Variants in DACH1 observed in about 807,000 individuals in gnomAD.
DACH1 encodes the protein dachshund family transcription factor 1.
A neutral mutation model predicts 54.2 loss-of-function variants in DACH1; 12 were observed. The observed-to-expected ratio is 0.22, with a 90% CI of 0.14 to 0.36. The LOEUF (loss-of-function observed/expected upper bound fraction) is 0.36, where lower values mean the gene tolerates loss of function less well. Among genes scored for constraint, DACH1 ranks in the 10% least tolerant of loss-of-function variants. DACH1 has a pLI of 1.00. For synonymous variants in DACH1, 386 were observed against 366.2 expected (o/e 1.05, Z -0.62); for missense variants, 805 against 929.8 (o/e 0.87, Z 1.75).
At chr13:71,689,633 A>C (rs2138720034) in intron 1 of DACH1, among the ~76,000 whole-genome samples, 1 of 152,282 alleles carries the variant, frequency 6.6e-6, no homozygotes, top group South Asian at 2.1e-4. Flanking sequence ...TTAATATAAA[A>C]CCTGTTTAAA....
intron 10 of DACH1, among the ~76,000 whole-genome samples, chr13:71,441,082 G>GGAAA (rs1433466450): frequency 6.6e-6 from 1 of 151,930 alleles, no homozygotes; most frequent in Non-Finnish European, 1.5e-5. Flanking sequence ...ATCTCCATCA[G>GGAAA]GAAAGACTGA....
At chr13:71,721,862 T>C (rs1465772045) in intron 1 of DACH1, among the ~76,000 whole-genome samples, 1 of 152,170 alleles carries the variant, frequency 6.6e-6, no homozygotes, top group Non-Finnish European at 1.5e-5. Context: ...ATTTTACTTC[T>C]TGAGTGGTAC....
intron 1 of DACH1, among the ~76,000 whole-genome samples, chr13:71,854,146 C>T (rs566799641): frequency 6.6e-6 from 1 of 152,166 alleles, no homozygotes; most frequent in South Asian, 2.1e-4. Context: ...GAATAAAATA[C>T]TGTAATTAAA....
intron 1 of DACH1, among the ~76,000 whole-genome samples, chr13:71,692,506 C>CTTTTTTTTTTTTT (rs398023338): frequency 1.4e-4 from 6 of 44,438 alleles, no homozygotes; most frequent in East Asian, 1.2e-3. Context: ...CTTTTCTTTC[C>CTTTTTTTTTTTTT]TTTTTTTTTT....
At chr13:71,553,124 T>C (rs1341172232) in intron 6 of DACH1, among the ~76,000 whole-genome samples, 1 of 136,356 alleles carries the variant, frequency 7.3e-6, no homozygotes, top group Non-Finnish European at 1.6e-5. Flanking sequence ...TATATCCATA[T>C]ATGTATATTA....
chr13:71,679,601 AC>A (rs775025760), intron 2 of DACH1, among the ~76,000 whole-genome samples: 41 of 152,180 alleles, frequency 2.7e-4, no homozygotes, highest in African/African-American at 8.0e-4. Flanking sequence ...TAAAAAAAAA[AC>A]ATCAGAAACA....
At chr13:71,536,919 C>A (rs1566323911) in intron 6 of DACH1, among the ~76,000 whole-genome samples, 1 of 152,150 alleles carries the variant, frequency 6.6e-6, no homozygotes, top group East Asian at 1.9e-4. Context: ...TCTTTAATAG[C>A]CTCTTAATTA....
At chr13:71,757,522 CT>C (rs71126504) in intron 1 of DACH1, among the ~76,000 whole-genome samples, 10,461 of 128,860 alleles carry the variant, frequency 0.081, 912 homozygotes, top group African/African-American at 0.26. Flanking sequence ...TTTAAAGGTA[CT>C]TTTTTTTTTT....
intron 6 of DACH1, among the ~76,000 whole-genome samples, chr13:71,494,457 G>C (rs924190713): frequency 6.6e-6 from 1 of 152,066 alleles, no homozygotes; most frequent in Admixed American, 6.6e-5. Flanking sequence ...GTTAGATGAA[G>C]TTGCCTATCT....
chr13:71,757,057 T>C (rs570626797), intron 1 of DACH1, among the ~76,000 whole-genome samples: 2 of 152,186 alleles, frequency 1.3e-5, no homozygotes, highest in Non-Finnish European at 2.9e-5. Context: ...GTATTAAAAG[T>C]CCTAATAAAA....
chr13:71,848,370 T>C (rs1464137017), intron 1 of DACH1, among the ~76,000 whole-genome samples: 1 of 152,170 alleles, frequency 6.6e-6, no homozygotes, highest in Admixed American at 6.5e-5. Context: ...ACTTTGTAAT[T>C]TTTCAGAATT....
chr13:71,718,403 A>G (rs560188143), intron 1 of DACH1, among the ~76,000 whole-genome samples: 2 of 152,006 alleles, frequency 1.3e-5, no homozygotes, highest in South Asian at 2.1e-4. Context: ...TGGGCAACAT[A>G]GCGAGACCTC....
intron 1 of DACH1, among the ~76,000 whole-genome samples, chr13:71,865,454 G>T (rs769365825): frequency 1.3e-5 from 2 of 152,162 alleles, no homozygotes; most frequent in Non-Finnish European, 2.9e-5. Context: ...CCGCCCCCGG[G>T]ACACCGCTCG....
intron 1 of DACH1, among the ~76,000 whole-genome samples, chr13:71,731,981 T>C (rs1883770634): frequency 6.6e-6 from 1 of 152,218 alleles, no homozygotes; most frequent in African/African-American, 2.4e-5. Context: ...AATTTCTGAA[T>C]GTAAACTGCT....
chr13:71,733,323 G>A (rs947994797), intron 1 of DACH1, among the ~76,000 whole-genome samples: 1 of 151,920 alleles, frequency 6.6e-6, no homozygotes, highest in African/African-American at 2.4e-5. Flanking sequence ...CACTATGCCT[G>A]GCCAAGTTTT....
At chr13:71,814,137 A>C (rs1365469224) in intron 1 of DACH1, among the ~76,000 whole-genome samples, 1 of 152,246 alleles carries the variant, frequency 6.6e-6, no homozygotes, top group Non-Finnish European at 1.5e-5. Flanking sequence ...ACTTTCCATC[A>C]GCAGTTTCAT....
intron 3 of DACH1, among the ~76,000 whole-genome samples, chr13:71,628,246 T>A (rs1475157206): frequency 6.6e-6 from 1 of 151,962 alleles, no homozygotes; most frequent in Non-Finnish European, 1.5e-5. Context: ...ACCCCCACCT[T>A]CACCACTGCT....
chr13:71,611,335 G>A (rs868270168), intron 3 of DACH1, among the ~76,000 whole-genome samples: 3 of 152,148 alleles, frequency 2.0e-5, no homozygotes, highest in Non-Finnish European at 4.4e-5. Context: ...ATCATCTTGT[G>A]TACTGAATTA....
intron 6 of DACH1, among the ~76,000 whole-genome samples, chr13:71,525,848 TTA>T (rs1881918179): frequency 6.6e-6 from 1 of 152,120 alleles, no homozygotes; most frequent in Admixed American, 6.6e-5. Context: ...TAGATGGAAA[TTA>T]TGAGATATCA....
Sources: allele counts gnomAD v4.1 joint callset (sites outside exome capture counted in the v4.1 genomes callset), GRCh38; gene constraint gnomAD v4.1.1; transcripts MANE v1.5; gene names NCBI Gene and HGNC (gene_info 2026-07-23, HGNC 2026-07-21).